AK7: variants seen among roughly 807,000 people sequenced by gnomAD.
AK7 encodes ATP-AMP transphosphorylase 7.
A neutral mutation model predicts 96.6 loss-of-function variants in AK7; 78 were observed. That is an observed-to-expected ratio of 0.81 (90% confidence interval 0.67 to 0.97). AK7 has a LOEUF of 0.97. Among genes scored for constraint, AK7 ranks in the 50% least tolerant of loss-of-function variants. The probability of loss-of-function intolerance (pLI) is 0.00; values close to 1 mark genes in which losing one functional copy is unlikely to be tolerated. For missense variants in AK7, 855 were observed against 887.9 expected (o/e 0.96, Z 0.47); for synonymous variants, 302 against 317.2 (o/e 0.95, Z 0.51).
chr14:96,437,712 C>T (rs1266701315), intron 5 of AK7, 123 bp from the exon 6 acceptor site: 2 of 649,900 alleles, frequency 3.1e-6, no homozygotes, highest in African/African-American at 1.8e-5. Flanking sequence ...CCGAACAATA[C>T]TCAGTAACCT....
At position 96,420,819 on chromosome 14, in the gene AK7, TAGG is replaced by T. The variant is rs761744145; in HGVS notation, c.501_503del (p.Glu167del). 9 of 1,599,548 alleles carry T rather than the reference TAGG, an allele frequency of 5.6e-6. No individual in the cohort carries two copies. The highest frequency in any genetic ancestry group is 7.7e-6 in the Non-Finnish European group (9 of 1,168,152). ...TGTACCTTTTCTTTCTTTCTTATAA[TAGG>T]AGGATTCTGAGGTTCCATTCACTGA... On this transcript the variant is annotated splice_acceptor_variant and coding_sequence_variant, in exon 5 of 18. Transcript: ENST00000267584. LOFTEE classifies it high-confidence loss of function.
chr14:96,476,909 T>A (rs1895218214), intron 14 of AK7, among the ~76,000 whole-genome samples: 1 of 152,228 alleles, frequency 6.6e-6, no homozygotes, highest in South Asian at 2.1e-4. Flanking sequence ...CAAATGAGTA[T>A]CATGTTAGGG....
chr14:96,400,180 A>G (rs1890328876), intron 2 of AK7, among the ~76,000 whole-genome samples: 1 of 151,816 alleles, frequency 6.6e-6, no homozygotes, highest in Non-Finnish European at 1.5e-5. Context: ...CTGGGACTAC[A>G]AGCGCGTGCC....
intron 17 of AK7, among the ~76,000 whole-genome samples, chr14:96,487,586 C>T (rs1261406325): frequency 6.6e-6 from 1 of 150,764 alleles, no homozygotes; most frequent in African/African-American, 2.4e-5. Context: ...GCACCACCAC[C>T]CCAGGCTAAT....
At chr14:96,457,253 G>T (rs1439093121) in intron 11 of AK7, among the ~76,000 whole-genome samples, 1 of 151,790 alleles carries the variant, frequency 6.6e-6, no homozygotes, top group Non-Finnish European at 1.5e-5. Flanking sequence ...TAGAGACGGG[G>T]TTTCACCATG....
intron 7 of AK7, among the ~76,000 whole-genome samples, chr14:96,444,363 A>C (rs1893117869): frequency 6.6e-6 from 1 of 152,146 alleles, no homozygotes; most frequent in South Asian, 2.1e-4. Flanking sequence ...TCCTTAACAT[A>C]TTACGTCCAA....
intron 4 of AK7, among the ~76,000 whole-genome samples, chr14:96,419,730 TTTAGA>T (rs1052083966): frequency 2.0e-5 from 3 of 152,032 alleles, no homozygotes; most frequent in African/African-American, 7.2e-5. Flanking sequence ...TTTAATTTTG[TTTAGA>T]TTAAATTTAA....
intron 9 of AK7, among the ~76,000 whole-genome samples, chr14:96,451,054 A>G (rs540928847): frequency 2.6e-5 from 4 of 152,248 alleles, no homozygotes; most frequent in East Asian, 1.9e-4. Context: ...GATTACAGGC[A>G]TGAGCCACGG....
chr14:96,475,943 C>A (rs1895151386), intron 14 of AK7, among the ~76,000 whole-genome samples: 1 of 149,752 alleles, frequency 6.7e-6, no homozygotes, highest in Non-Finnish European at 1.5e-5. Flanking sequence ...CATGCCACGG[C>A]ACTTCAGCCT....
intron 3 of AK7, chr14:96,405,066 G>A: frequency 3.2e-6 from 1 of 310,782 alleles, no homozygotes; most frequent in African/African-American, 2.1e-5. Flanking sequence ...AAAAATGAAG[G>A]CCGGCACACT....
intron 12 of AK7, among the ~76,000 whole-genome samples, chr14:96,469,979 G>A (rs1310483829): frequency 3.9e-5 from 6 of 152,050 alleles, no homozygotes; most frequent in South Asian, 2.1e-4. Flanking sequence ...CACCACGCCC[G>A]GCTAATTTTG....
Position 96,403,792 on chromosome 14 carries a change from G to A in AK7, c.295-965G>A, listed in dbSNP as rs112279326. On this transcript the variant is annotated intron_variant, in intron 2 of 17. Coordinates refer to ENST00000267584, the MANE Select transcript of AK7 (RefSeq NM_152327.5). ...TTTATGGTTCTCTTAATGCACTCAAGGTATTGTACTATTGGGAAGTGTACT... is the reference window on the plus strand; with the variant it reads ...TTTATGGTTCTCTTAATGCACTCAAAGTATTGTACTATTGGGAAGTGTACT... Among the ~76,000 whole-genome samples the A allele has an allele frequency of 2.7e-3, 418 of 152,236 alleles. 2 individuals are homozygous for A. Among genetic ancestry groups the A allele is most frequent in the Non-Finnish European group, 5.0e-3 (337 of 68,018 alleles).
At chr14:96,480,852 T>C (rs752013063) in intron 15 of AK7, among the ~76,000 whole-genome samples, 5 of 151,976 alleles carry the variant, frequency 3.3e-5, no homozygotes, top group Admixed American at 6.6e-5. Context: ...AAGGGAGAAA[T>C]GTATCCTAAG....
chr14:96,469,019 C>G (rs1054633617), intron 12 of AK7, among the ~76,000 whole-genome samples: 2 of 152,078 alleles, frequency 1.3e-5, no homozygotes, highest in Non-Finnish European at 2.9e-5. Context: ...CCTTTGTGTA[C>G]TGGGTCATGC....
chr14:96,438,858 G>A (rs374150072), intron 6 of AK7, among the ~76,000 whole-genome samples: 1 of 152,134 alleles, frequency 6.6e-6, no homozygotes, highest in African/African-American at 2.4e-5. Flanking sequence ...TGGGGATACT[G>A]GAAACTGTTC....
intron 3 of AK7, among the ~76,000 whole-genome samples, chr14:96,405,215 A>T (rs1299032313): frequency 6.6e-6 from 1 of 152,130 alleles, no homozygotes; most frequent in Non-Finnish European, 1.5e-5. Flanking sequence ...ATATGTTTTT[A>T]AAATGAAACA....
intron 12 of AK7, among the ~76,000 whole-genome samples, chr14:96,467,592 G>A (rs184614017): frequency 7.9e-5 from 12 of 152,116 alleles, no homozygotes; most frequent in Non-Finnish European, 1.3e-4. Context: ...CACCCGCCTC[G>A]GCCTCCCAAA....
chr14:96,465,458 C>T (rs1465066227), intron 12 of AK7, among the ~76,000 whole-genome samples: 5 of 145,912 alleles, frequency 3.4e-5, no homozygotes, highest in Non-Finnish European at 5.9e-5. Context: ...GCGAAGACTC[C>T]GTTTAAAAAA....
At chr14:96,467,636 G>A (rs1020580385) in intron 12 of AK7, among the ~76,000 whole-genome samples, 10 of 152,084 alleles carry the variant, frequency 6.6e-5, no homozygotes, top group African/African-American at 2.2e-4. Flanking sequence ...CACCCTGCCC[G>A]GCTGCTGCTT....
Sources: gnomAD v4.1 joint callset for allele counts (sites outside exome capture counted in the v4.1 genomes callset) on GRCh38, gnomAD v4.1.1 for gene constraint, MANE v1.5 for transcripts, NCBI Gene and HGNC (gene_info 2026-07-23, HGNC 2026-07-21) for gene names.